Variants in DHCR7 observed in about 807,000 individuals in gnomAD.
The protein encoded by DHCR7 is 7-dehydrocholesterol reductase, also known as 7-DHC reductase.
In DHCR7, 40 loss-of-function variants were observed where a neutral mutation model predicts 43.3. The observed-to-expected ratio is 0.92, with a 90% CI of 0.72 to 1.20. The LOEUF is 1.20. Among genes scored for constraint, DHCR7 ranks in the 50% most tolerant of loss-of-function variants. DHCR7 has a pLI of 0.00. For missense variants in DHCR7, 608 were observed against 644.6 expected, an observed-to-expected ratio of 0.94 and a Z score of 0.62; for synonymous variants, 298 against 271.4, an observed-to-expected ratio of 1.10 and a Z score of -0.96.
downstream of DHCR7, among the ~76,000 whole-genome samples, chr11:71,432,880 T>C (rs984134288): frequency 6.6e-6 from 1 of 152,210 alleles, no homozygotes; most frequent in African/African-American, 2.4e-5. Context: ...AGCAATTGAT[T>C]GTTAAATGTG....
Position 71,434,858 on chromosome 11 carries a change from C to T in DHCR7, c.*517G>A, listed in dbSNP as rs796800800. The T allele has an allele frequency of 3.4e-5, 12 of 349,758 alleles. No homozygotes were observed. Among genetic ancestry groups the T allele is most frequent in the East Asian group, 2.3e-4 (3 of 13,206 alleles). 21.7% of individuals were successfully genotyped at this position (349,758 alleles called of 1,614,324 possible). ...CAGTGTCCCAGTTCAACACCGTGCA[C>T]GCTACCAAGGAGAAACGGCGCACGG... is the stretch of plus-strand genomic sequence containing the variant. On this transcript the variant is annotated 3_prime_UTR_variant, in exon 9 of 9. Transcript: ENST00000355527.
intron 8 of DHCR7, 138 bp downstream of exon 8, chr11:71,437,674 C>G (rs776198845): frequency 1.5e-6 from 2 of 1,293,050 alleles, no homozygotes; most frequent in Non-Finnish European, 2.1e-6. Flanking sequence ...GCTGAGCTGG[C>G]TAATACACGA....
chr11:71,445,024 T>A, intron 2 of DHCR7, 66 bp from the exon 3 acceptor site: 2 of 1,388,684 alleles, frequency 1.4e-6, no homozygotes, highest in Admixed American at 3.4e-5. Context: ...CCCTGTTGCA[T>A]CCACCACTGC....
Position 71,439,084 on chromosome 11 carries a change from C to T in DHCR7, c.627-1G>A, listed in dbSNP as rs1057517210. 9 of 1,613,290 alleles carry T rather than the reference C, an allele frequency of 5.6e-6. No homozygotes were observed. Among genetic ancestry groups the T allele is most frequent in the African/African-American group, 1.3e-5 (1 of 74,920 alleles). The stretch of plus-strand genomic sequence containing the variant: ...GTAAAAGAAATTGCCTGTGAATTTG[C>T]TTAAAAATATAAATAAAAGATACAT... On this transcript the variant is annotated splice_acceptor_variant, in intron 6 of 8. Transcript: ENST00000355527. LOFTEE classifies it high-confidence loss of function.
chr11:71,435,576 G>C lies in DHCR7; in HGVS notation c.1227C>G (p.Val409=). Residue 409 remains valine, a synonymous_variant, in exon 9 of 9, where the codon GTC becomes GTG. Transcript: ENST00000355527. ...AGGCCAGGCTGCCCATCAGGTCGCC[G>C]ACGTAGTTGAAGTGGCGGGCCACGC... The part of the protein sequence containing the change: ...FWGVARHFNY[V]GDLMGSLAYC... 6.2e-7 allele frequency: 1 copy of C among 1,610,990 alleles called. No individual in the cohort carries two copies. Among genetic ancestry groups the C allele is most frequent in the Admixed American group, 1.7e-5 (1 of 60,002 alleles).
At chr11:71,431,550 G>A (rs1036179217), downstream of DHCR7, among the ~76,000 whole-genome samples, 13 of 152,120 alleles carry the variant, frequency 8.5e-5, no homozygotes, top group Non-Finnish European at 1.6e-4. Flanking sequence ...CAGTGCCTGC[G>A]TGGAAACCCC....
rs760242 is a variant in DHCR7, at chr11:71,435,530, C to T, written c.1273G>A (p.Gly425Ser). 180 of 1,611,138 alleles carry T rather than the reference C, an allele frequency of 1.1e-4. 1 individual carries two copies. In the South Asian group the frequency reaches 1.8e-3, roughly 16 times the overall value. Residue 425 changes from glycine (G) to serine (S), a missense_variant, in exon 9 of 9, where the codon GGC becomes AGC. Coordinates refer to ENST00000355527, the MANE Select transcript of DHCR7 (RefSeq NM_001360.3). ...ATGTAGAAGTAGGGCAGCAGGTGGC[C>T]GCCGCCACAGGCCAGGCAGTAGGCC... ...SLAYCLACGGGHLLPYFYIIY... is the reference protein window; with the variant it reads ...SLAYCLACGGSHLLPYFYIIY...
At position 71,443,920 on chromosome 11, in the gene DHCR7, T is replaced by C. The variant is rs769856344; in HGVS notation, c.321+73A>G. 2.4e-6 allele frequency: 3 copies of C among 1,250,586 alleles called. No homozygotes were observed. In the African/African-American group the frequency reaches 4.5e-5, roughly 19 times the overall value. The allele number at this position is 1,250,586 out of a possible 1,614,324, so 77.5% of individuals were successfully genotyped here. A position where few individuals can be genotyped will look rare whatever the true frequency, so the allele number is the denominator to read the frequency against. Reference sequence around the variant, plus strand: ...AGCCAGGATCCATGTCCCAGACAAATGGAAGGACTACCCCAGCAGGAGGGC... The same window carrying C: ...AGCCAGGATCCATGTCCCAGACAAACGGAAGGACTACCCCAGCAGGAGGGC... On this transcript the variant is annotated intron_variant, in intron 4 of 8. Transcript: ENST00000355527.
At chr11:71,446,085 G>A (rs1949400306) in intron 2 of DHCR7, among the ~76,000 whole-genome samples, 1 of 152,074 alleles carries the variant, frequency 6.6e-6, no homozygotes, top group Admixed American at 6.6e-5. Flanking sequence ...TATGCAGCAG[G>A]ACTAACCAGA....
At chr11:71,437,969 C>T (rs891528866) in intron 7 of DHCR7, 26 bp from the exon 8 acceptor site, 14 of 1,610,040 alleles carry the variant, frequency 8.7e-6, no homozygotes, top group Non-Finnish European at 1.2e-5. Context: ...AGCCGCTGAC[C>T]ACCCCCGGCC....
chr11:71,447,194 A>G (rs897978721), intron 2 of DHCR7, among the ~76,000 whole-genome samples: 7 of 152,220 alleles, frequency 4.6e-5, no homozygotes, highest in African/African-American at 1.7e-4. Flanking sequence ...ATAAGCTACA[A>G]GGGGACAATG....
chr11:71,435,677 T>C lies in DHCR7; in HGVS notation c.1126A>G (p.Lys376Glu), dbSNP rs777218262. Residue 376 changes from lysine (K) to glutamate (E), a missense_variant, in exon 9 of 9, where the codon AAG becomes GAG. Transcript: ENST00000355527. ...GATGTGTAGGAGCACTCGATGACCT[T>C]GGGCTTCCTGCCCCAGATGAGGCAG... ...GRCLIWGRKP[K>E]VIECSYTSAD... is the part of the protein sequence containing the mutation. The C allele has an allele frequency of 2.5e-6, 4 of 1,613,140 alleles. No homozygotes were observed. The highest frequency in any genetic ancestry group is 2.2e-5 in the East Asian group (1 of 44,880).
downstream of DHCR7, among the ~76,000 whole-genome samples, chr11:71,433,444 G>A (rs7944310): frequency 8.8e-3 from 1,333 of 152,324 alleles, 18 homozygotes; most frequent in African/African-American, 0.031. Flanking sequence ...CCAGCACAAA[G>A]CTGCTCAAAC....
At chr11:71,446,215 A>C (rs931142781) in intron 2 of DHCR7, among the ~76,000 whole-genome samples, 2 of 146,524 alleles carry the variant, frequency 1.4e-5, no homozygotes, top group African/African-American at 4.9e-5. Flanking sequence ...CGGTTAGAGC[A>C]TCCAGAAAAA....
chr11:71,439,163 A>G, intron 6 of DHCR7, 80 bp from the exon 7 acceptor site: 1 of 1,404,254 alleles, frequency 7.1e-7, no homozygotes, highest in South Asian at 1.2e-5. Flanking sequence ...GCGAGAGCCC[A>G]GCACTGGCCC....
chr11:71,440,875 T>G (rs1458974520), intron 6 of DHCR7, among the ~76,000 whole-genome samples: 1 of 152,062 alleles, frequency 6.6e-6, no homozygotes, highest in African/African-American at 2.4e-5. Flanking sequence ...GACTCTTCAC[T>G]AAGGTTGTTT....
In DHCR7 at chr11:71,435,345, C is replaced by T. The variant is rs755215281; in HGVS notation, c.*30G>A. ...ACCTGGCAGAACACGCTCTTGACAG[C>T]CCCACAGGGCTTCTCCCTAGGGCGT... is the stretch of plus-strand genomic sequence containing the variant. On this transcript the variant is annotated 3_prime_UTR_variant, in exon 9 of 9. Coordinates refer to ENST00000355527, the MANE Select transcript of DHCR7 (RefSeq NM_001360.3). The T allele has an allele frequency of 6.2e-7, 1 of 1,606,372 alleles. No individual in the cohort carries two copies. The highest frequency in any genetic ancestry group is 1.1e-5 in the South Asian group (1 of 91,018).
At chr11:71,428,885 C>G (rs1463768516) in intron 2 of DHCR7, 1 of 456,000 alleles carries the variant, frequency 2.2e-6, no homozygotes, top group African/African-American at 2.0e-5. Context: ...TTTCTCAAGA[C>G]AGAGTGGAGT....
intron 4 of DHCR7, among the ~76,000 whole-genome samples, chr11:71,443,538 G>C (rs1949370085): frequency 6.6e-6 from 1 of 152,152 alleles, no homozygotes; most frequent in African/African-American, 2.4e-5. Flanking sequence ...GGACGTCCTG[G>C]ACCTGCCTCG....
Sources: allele counts gnomAD v4.1 joint callset (sites outside exome capture counted in the v4.1 genomes callset), GRCh38; gene constraint gnomAD v4.1.1; transcripts MANE v1.5; gene names NCBI Gene and HGNC (gene_info 2026-07-23, HGNC 2026-07-21).